Variants in KALRN observed in about 807,000 individuals in gnomAD.
The protein encoded by KALRN is kalirin RhoGEF kinase, also known as kalirin.
KALRN carries 70 observed loss-of-function variants against 353.7 expected under a neutral mutation model. The observed-to-expected ratio is 0.20, with a 90% confidence interval of 0.16 to 0.24. KALRN has a LOEUF of 0.24. Ranked by LOEUF, KALRN falls within the 10% of genes least tolerant of loss-of-function variation. The pLI, the probability that KALRN is intolerant of heterozygous loss-of-function variation, is 1.00. For synonymous variants in KALRN, 1,391 were observed against 1,434.8 expected (o/e 0.97, Z 0.69); for missense variants, 2,791 against 3,756.7 (o/e 0.74, Z 6.72).
At chr3:124,645,272 T>A (rs536401409) in intron 37 of KALRN, among the ~76,000 whole-genome samples, 1 of 152,298 alleles carries the variant, frequency 6.6e-6, no homozygotes, top group East Asian at 1.9e-4. Flanking sequence ...TCCCATTCTA[T>A]AGCTTGCCTG....
chr3:124,085,203 C>T (rs1278883915), intron 1 of KALRN, among the ~76,000 whole-genome samples: 1 of 152,208 alleles, frequency 6.6e-6, no homozygotes, highest in Non-Finnish European at 1.5e-5. Context: ...CCTGCCTTGT[C>T]CTTGGCAGAC....
At chr3:124,292,312 A>G (rs2076492154) in intron 5 of KALRN, among the ~76,000 whole-genome samples, 1 of 152,154 alleles carries the variant, frequency 6.6e-6, no homozygotes, top group Admixed American at 6.5e-5. Flanking sequence ...CTGTTTCTAT[A>G]TTCAGGATAA....
intron 9 of KALRN, among the ~76,000 whole-genome samples, chr3:124,339,986 G>A (rs1560610006): frequency 6.6e-6 from 1 of 152,062 alleles, no homozygotes; most frequent in Non-Finnish European, 1.5e-5. Context: ...CATGGGTTTT[G>A]TTCTTCCCAC....
chr3:124,665,095 G>A (rs1404553756), intron 45 of KALRN, among the ~76,000 whole-genome samples: 1 of 143,862 alleles, frequency 7.0e-6, no homozygotes, highest in African/African-American at 2.6e-5. Flanking sequence ...GAACACAAAA[G>A]AAAAATGACC....
chr3:124,598,237 C>G (rs891718479), intron 34 of KALRN, among the ~76,000 whole-genome samples: 3 of 152,188 alleles, frequency 2.0e-5, no homozygotes, highest in African/African-American at 7.2e-5. Context: ...TTTCCAGAAC[C>G]TAGGAGAGAG....
intron 5 of KALRN, among the ~76,000 whole-genome samples, chr3:124,282,230 G>A (rs980092538): frequency 3.9e-5 from 6 of 152,146 alleles, no homozygotes; most frequent in African/African-American, 1.4e-4. Flanking sequence ...AACAATTCCC[G>A]AAGACATTTT....
chr3:124,603,962 G>T (rs1244120550), intron 34 of KALRN, among the ~76,000 whole-genome samples: 7 of 152,030 alleles, frequency 4.6e-5, no homozygotes, highest in Non-Finnish European at 1.0e-4. Context: ...GCCATCACTA[G>T]GATAAAGAGA....
chr3:124,194,305 G>C (rs1235398701), intron 1 of KALRN, among the ~76,000 whole-genome samples: 2 of 152,208 alleles, frequency 1.3e-5, no homozygotes, highest in East Asian at 3.8e-4. Flanking sequence ...TGAACCATGG[G>C]CAGGATTCTG....
At chr3:124,398,997 A>C (rs2150099535) in intron 13 of KALRN, 126 bp downstream of exon 13, 1 of 943,748 alleles carries the variant, frequency 1.1e-6, no homozygotes, top group East Asian at 2.8e-5. Context: ...TTTAGAACCC[A>C]AGAAATTCCC....
rs111274440 is a variant in KALRN at position 124,652,697 on chromosome 3, C to T, written c.5795+1759C>T. On this transcript the variant is annotated intron_variant, in intron 38 of 59. Transcript: ENST00000682506. Reference sequence around the variant, plus strand: ...GTTCACACCATTCTTCTGCCTCAGCCTCCCAAAGTAGCTGGGACTACAGGC... The same window carrying T: ...GTTCACACCATTCTTCTGCCTCAGCTTCCCAAAGTAGCTGGGACTACAGGC... Among the ~76,000 whole-genome samples the T allele has an allele frequency of 4.3e-3, 660 of 152,328 alleles. 2 individuals are homozygous for T. The highest frequency in any genetic ancestry group is 0.016 in the African/African-American group (647 of 41,566).
At chr3:124,075,516 A>G (rs574495882) in intron 1 of KALRN, among the ~76,000 whole-genome samples, 1 of 152,180 alleles carries the variant, frequency 6.6e-6, no homozygotes, top group African/African-American at 2.4e-5. Context: ...TCTCAGGTTT[A>G]TTTTTGGTCT....
chr3:124,643,060 G>A (rs1184076434), intron 37 of KALRN, among the ~76,000 whole-genome samples: 3 of 151,892 alleles, frequency 2.0e-5, no homozygotes, highest in South Asian at 2.1e-4. Flanking sequence ...CACGTGATCC[G>A]CCTGCCTCGG....
In KALRN at chr3:124,219,784, G is replaced by A. The variant is rs115968555; in HGVS notation, c.74-8206G>A. 9.9e-3 allele frequency among the ~76,000 whole-genome samples: 1,502 copies of A among 152,186 alleles called. 26 individuals are homozygous for A. Among genetic ancestry groups the A allele is most frequent in the African/African-American group, 0.034 (1,405 of 41,522 alleles). The stretch of plus-strand genomic sequence containing the variant: ...GACTGTGGGGGGTTGGCCCCACTGC[G>A]CACAGGTAGATTTTCAGGTTGGGGA... On this transcript the variant is annotated intron_variant, in intron 1 of 59. Transcript: ENST00000682506.
chr3:124,194,730 G>A (rs2075263720), intron 1 of KALRN, among the ~76,000 whole-genome samples: 1 of 152,140 alleles, frequency 6.6e-6, no homozygotes, highest in South Asian at 2.1e-4. Context: ...CAACCCAAGG[G>A]CACTGAGCCC....
Position 124,519,985 on chromosome 3 carries a change from C to T in KALRN, c.4935+23572C>T, listed in dbSNP as rs752714206. 93 of 558,260 alleles carry T rather than the reference C, an allele frequency of 1.7e-4. 1 individual carries two copies. In the Middle Eastern group the frequency reaches 5.4e-3, roughly 33 times the overall value. The allele number at this position is 558,260 out of a possible 1,614,324, so 34.6% of individuals were successfully genotyped here. On this transcript the variant is annotated intron_variant, in intron 33 of 59. Transcript: ENST00000682506. ...GGGACAGATGCAATGAGCGTGTGTCCGGCATGATGGCGGCACCACTGCAAT... is the reference window on the plus strand; with the variant it reads ...GGGACAGATGCAATGAGCGTGTGTCTGGCATGATGGCGGCACCACTGCAAT...
intron 1 of KALRN, among the ~76,000 whole-genome samples, chr3:124,129,351 G>A (rs1018295194): frequency 3.9e-5 from 6 of 152,262 alleles, no homozygotes; most frequent in African/African-American, 1.4e-4. Context: ...TCTGCCTTAA[G>A]TCCTGTCTGC....
intron 5 of KALRN, among the ~76,000 whole-genome samples, chr3:124,275,598 C>G (rs2148984123): frequency 6.6e-6 from 1 of 152,222 alleles, no homozygotes; most frequent in East Asian, 1.9e-4. Context: ...GGTGCCTGGC[C>G]CAGCATAGCT....
chr3:124,125,487 G>C (rs1213261671), intron 1 of KALRN, among the ~76,000 whole-genome samples: 1 of 152,190 alleles, frequency 6.6e-6, no homozygotes, highest in Non-Finnish European at 1.5e-5. Flanking sequence ...TCCATGAGCT[G>C]GTGACCTTGA....
chr3:124,589,536 T>A (rs2075563001), intron 34 of KALRN, among the ~76,000 whole-genome samples: 1 of 152,176 alleles, frequency 6.6e-6, no homozygotes, highest in Non-Finnish European at 1.5e-5. Context: ...AAGTTTGCAG[T>A]GAACTATGAT....
Sources: gnomAD v4.1 joint callset for allele counts (sites outside exome capture counted in the v4.1 genomes callset) on GRCh38, gnomAD v4.1.1 for gene constraint, MANE v1.5 for transcripts, NCBI Gene and HGNC (gene_info 2026-07-23, HGNC 2026-07-21) for gene names.